Variants in GSG1L observed in about 807,000 individuals in gnomAD.
GSG1L encodes GSG1 like.
A neutral mutation model predicts 42.1 loss-of-function variants in GSG1L; 24 were observed. That is an observed-to-expected ratio of 0.57 (90% CI 0.41 to 0.80). GSG1L has a LOEUF of 0.80. GSG1L is among the 30% of genes least tolerant of loss of function. The probability of loss-of-function intolerance (pLI) is 0.00; values close to 1 mark genes in which losing one functional copy is unlikely to be tolerated. For synonymous variants in GSG1L, 215 were observed against 203.5 expected (o/e 1.06, Z -0.48); for missense variants, 445 against 472.2 (o/e 0.94, Z 0.53).
In GSG1L at chr16:27,898,112, T is replaced by A. The variant is rs116790084; in HGVS notation, c.398-13474A>T. Among the ~76,000 whole-genome samples, 528 of 152,292 alleles carry A rather than the reference T, an allele frequency of 3.5e-3. 3 individuals carry two copies. The highest frequency in any genetic ancestry group is 0.012 in the African/African-American group (506 of 41,552). On this transcript the variant is annotated intron_variant, in intron 2 of 6. Coordinates refer to ENST00000447459, the MANE Select transcript of GSG1L (RefSeq NM_001109763.2). ...GAGACGTCTCTGGCAGACGTGCCCT[T>A]TAGAAATGGCTCTTTTGGAATCTGG...
chr16:27,815,719 A>C (rs191831618), intron 5 of GSG1L, among the ~76,000 whole-genome samples: 3 of 152,298 alleles, frequency 2.0e-5, no homozygotes, highest in Admixed American at 1.3e-4. Flanking sequence ...TGGGCACATA[A>C]TATACCTATT....
intron 2 of GSG1L, among the ~76,000 whole-genome samples, chr16:27,934,713 T>C (rs2084695102): frequency 6.6e-6 from 1 of 152,152 alleles, no homozygotes. Context: ...GGCTCTGTCA[T>C]TTCGCGGTTG....
rs550486223 is a variant in GSG1L, at chr16:27,891,275, G to A, written c.398-6637C>T. On this transcript the variant is annotated intron_variant, in intron 2 of 6. Coordinates refer to ENST00000447459, the MANE Select transcript of GSG1L (RefSeq NM_001109763.2). ...ACTGTCAGAACCAAAGAGTGAAAAA[G>A]TGATTCTCTTTTCCCTGATTTTTAG... Among the ~76,000 whole-genome samples the A allele has an allele frequency of 4.7e-4, 71 of 152,268 alleles. 1 individual carries two copies. The highest frequency in any genetic ancestry group is 1.3e-3 in the African/African-American group (53 of 41,560).
At chr16:27,868,950 G>A (rs1476485155) in intron 3 of GSG1L, among the ~76,000 whole-genome samples, 1 of 152,120 alleles carries the variant, frequency 6.6e-6, no homozygotes, top group African/African-American at 2.4e-5. Context: ...GTGTTCCCTG[G>A]ATTGGGGAAA....
chr16:27,803,489 C>T (rs918666465), intron 6 of GSG1L, among the ~76,000 whole-genome samples: 1 of 152,052 alleles, frequency 6.6e-6, no homozygotes, highest in East Asian at 1.9e-4. Context: ...TTCCTCACTC[C>T]TAGTTGGGTG....
At chr16:27,794,702 A>C (rs8046448) in intron 6 of GSG1L, among the ~76,000 whole-genome samples, 19,338 of 152,230 alleles carry the variant, frequency 0.13, 1,640 homozygotes, top group Non-Finnish European at 0.19. Flanking sequence ...ATGACAATTA[A>C]GGTTTCAAAT....
intron 3 of GSG1L, among the ~76,000 whole-genome samples, chr16:27,853,422 T>C (rs1040954059): frequency 6.6e-6 from 1 of 152,180 alleles, no homozygotes; most frequent in Non-Finnish European, 1.5e-5. Context: ...TCCTTACACA[T>C]AACCTAAATC....
Position 28,063,175 on chromosome 16 carries a change from CG to C in GSG1L, c.249del (p.Gly84AlafsTer109). The C allele has an allele frequency of 7.4e-7, 1 of 1,346,788 alleles. No individual in the cohort carries two copies. The highest frequency in any genetic ancestry group is 1.8e-5 in the South Asian group (1 of 54,290). The allele number at this position is 1,346,788 out of a possible 1,614,324, so 83.4% of individuals were successfully genotyped here. The stretch of plus-strand genomic sequence containing the variant: ...CCGGTCTCCCAGCTGTAGAGCGCGC[CG>C]CCAGGGGGGCCGTTCCCCGAGGCGG... ...AATASGNGPP[G>X]GALYSWETGD... On this transcript the variant is annotated frameshift_variant, in exon 1 of 7. Transcript: ENST00000447459. LOFTEE classifies it high-confidence loss of function. The surrounding 1 kb of genome is among the most constrained non-coding windows in gnomAD (Gnocchi z 5.8).
At chr16:28,056,097 C>T (rs914863630) in intron 1 of GSG1L, among the ~76,000 whole-genome samples, 1 of 152,128 alleles carries the variant, frequency 6.6e-6, no homozygotes, top group East Asian at 1.9e-4. Context: ...GTCCCCAGAG[C>T]CCCAGTACAT....
Position 27,879,803 on chromosome 16 carries a change from A to G in GSG1L, c.550+4683T>C, listed in dbSNP as rs554978111. Among the ~76,000 whole-genome samples the G allele has an allele frequency of 1.3e-5, 2 of 150,660 alleles. 1 individual carries two copies. The highest frequency in any genetic ancestry group is 4.2e-4 in the South Asian group (2 of 4,804). ...TTATTTTATTTATTATTTTTATTGTATTATTATTTTATGTATTATTTTTAT... is the reference window on the plus strand; with the variant it reads ...TTATTTTATTTATTATTTTTATTGTGTTATTATTTTATGTATTATTTTTAT... On this transcript the variant is annotated intron_variant, in intron 3 of 6. Transcript: ENST00000447459.
chr16:27,897,245 T>C lies in GSG1L; in HGVS notation c.398-12607A>G, dbSNP rs151126752. On this transcript the variant is annotated intron_variant, in intron 2 of 6. Transcript: ENST00000447459. ...TCCATATTGTTTCAAGGCACTAAATTCTAAATTTGTGGAAATTTGTTACAT... is the reference window on the plus strand; with the variant it reads ...TCCATATTGTTTCAAGGCACTAAATCCTAAATTTGTGGAAATTTGTTACAT... 9.8e-5 allele frequency among the ~76,000 whole-genome samples: 15 copies of C among 152,308 alleles called. No individual in the cohort carries two copies. The East Asian group carries it at 2.1e-3, about 22-fold the overall frequency.
chr16:27,896,188 C>T (rs933213980), intron 2 of GSG1L, among the ~76,000 whole-genome samples: 1 of 152,200 alleles, frequency 6.6e-6, no homozygotes. Context: ...GATGTTCAGC[C>T]TGCAGCTGTA....
chr16:27,911,285 C>CTT (rs1320184266), intron 2 of GSG1L, among the ~76,000 whole-genome samples: 4 of 146,706 alleles, frequency 2.7e-5, no homozygotes, highest in Non-Finnish European at 6.1e-5. Context: ...CTCTCTCTCT[C>CTT]TCTCTCTCTC....
intron 1 of GSG1L, among the ~76,000 whole-genome samples, chr16:27,967,508 G>T (rs1175825680): frequency 1.3e-5 from 2 of 152,192 alleles, no homozygotes; most frequent in African/African-American, 4.8e-5. Flanking sequence ...TACAGACAAA[G>T]ACGATAAGGC....
At chr16:27,981,308 G>A (rs1162886104) in intron 1 of GSG1L, among the ~76,000 whole-genome samples, 2 of 152,188 alleles carry the variant, frequency 1.3e-5, no homozygotes, top group African/African-American at 2.4e-5. Context: ...CTTGCTGGGC[G>A]GGCAGAGAAG....
chr16:27,855,728 A>G (rs374938392), intron 3 of GSG1L, among the ~76,000 whole-genome samples: 2 of 151,048 alleles, frequency 1.3e-5, no homozygotes, highest in East Asian at 3.9e-4. Flanking sequence ...TCAAAAAAAA[A>G]AAAAAAAAAA....
intron 1 of GSG1L, among the ~76,000 whole-genome samples, chr16:28,030,191 G>A (rs1264809446): frequency 1.3e-5 from 2 of 152,194 alleles, no homozygotes; most frequent in Non-Finnish European, 2.9e-5. Context: ...TCTCCTTCGG[G>A]GAACCAGCAG....
intron 1 of GSG1L, 126 bp from the exon 2 acceptor site, chr16:27,963,329 C>T: frequency 1.3e-6 from 1 of 794,822 alleles, no homozygotes; most frequent in Non-Finnish European, 2.1e-6. Context: ...TGACATCTTT[C>T]TCCAACCCTG....
At chr16:27,922,584 T>G (rs1207002052) in intron 2 of GSG1L, among the ~76,000 whole-genome samples, 3 of 152,214 alleles carry the variant, frequency 2.0e-5, no homozygotes, top group Non-Finnish European at 4.4e-5. Context: ...CTTTGTTCAC[T>G]CTACACTATT....
Sources: gnomAD v4.1 joint callset for allele counts (sites outside exome capture counted in the v4.1 genomes callset) on GRCh38, gnomAD v4.1.1 for gene constraint, Gnocchi (gnomAD v3.1) non-coding constraint, MANE v1.5 for transcripts, NCBI Gene and HGNC (gene_info 2026-07-23, HGNC 2026-07-21) for gene names.